The following CFAP299 variants were observed in gnomAD, a reference collection of about 807,000 sequenced individuals.
CFAP299 encodes the protein cilia- and flagella-associated protein 299.
A neutral mutation model predicts 27.0 loss-of-function variants in CFAP299; 21 were observed. That is an observed-to-expected ratio of 0.78 (90% confidence interval 0.55 to 1.12). The LOEUF (loss-of-function observed/expected upper bound fraction) is 1.12. CFAP299 is among the 50% of genes most tolerant of loss of function. The probability of loss-of-function intolerance (pLI) is 0.00; values close to 1 mark genes in which losing one functional copy is unlikely to be tolerated. For missense variants in CFAP299, 310 were observed against 276.6 expected, an observed-to-expected ratio of 1.12 and a Z score of -0.86; for synonymous variants, 104 against 98.1, an observed-to-expected ratio of 1.06 and a Z score of -0.36.
intron 3 of CFAP299, among the ~76,000 whole-genome samples, chr4:80,806,022 T>G (rs1352841031): frequency 1.3e-5 from 2 of 152,208 alleles, no homozygotes; most frequent in East Asian, 3.8e-4. Context: ...ATGACTTAGC[T>G]ATAAGAAAGA....
chr4:80,925,898 T>C (rs564700106), intron 4 of CFAP299, among the ~76,000 whole-genome samples: 106 of 152,202 alleles, frequency 7.0e-4, no homozygotes, highest in Non-Finnish European at 1.3e-3. Context: ...TTCCTACCCT[T>C]ATGGGGCTCA....
chr4:80,368,379 G>A (rs1409742294), intron 2 of CFAP299, among the ~76,000 whole-genome samples: 2 of 152,088 alleles, frequency 1.3e-5, no homozygotes, highest in Admixed American at 1.3e-4. Context: ...GTAAAAACTG[G>A]ATAAATCTCC....
At chr4:80,554,586 G>A (rs1387234972) in intron 2 of CFAP299, among the ~76,000 whole-genome samples, 1 of 133,420 alleles carries the variant, frequency 7.5e-6, no homozygotes, top group Non-Finnish European at 1.5e-5. Context: ...GAATTGCTTT[G>A]GGCAGTATGG....
At chr4:80,456,705 G>T (rs1020549375) in intron 2 of CFAP299, among the ~76,000 whole-genome samples, 2 of 152,160 alleles carry the variant, frequency 1.3e-5, no homozygotes, top group Non-Finnish European at 2.9e-5. Context: ...AAGTAAAGAT[G>T]TAGAGGGCAG....
At chr4:80,569,628 T>C (rs766383992) in intron 2 of CFAP299, among the ~76,000 whole-genome samples, 13 of 151,950 alleles carry the variant, frequency 8.6e-5, no homozygotes, top group Non-Finnish European at 1.8e-4. Flanking sequence ...TTTAGCAAAA[T>C]TGCATGATGC....
At chr4:80,441,209 A>G (rs1312133535) in intron 2 of CFAP299, among the ~76,000 whole-genome samples, 1 of 152,196 alleles carries the variant, frequency 6.6e-6, no homozygotes, top group African/African-American at 2.4e-5. Flanking sequence ...AGAGAACACC[A>G]CTAAGATACT....
chr4:80,832,124 T>C (rs1330430182), intron 3 of CFAP299, among the ~76,000 whole-genome samples: 1 of 152,154 alleles, frequency 6.6e-6, no homozygotes, highest in African/African-American at 2.4e-5. Context: ...CTGTTTCTTG[T>C]GTAATGCCCA....
intron 2 of CFAP299, among the ~76,000 whole-genome samples, chr4:80,538,147 C>T (rs1476485136): frequency 6.6e-6 from 1 of 151,952 alleles, no homozygotes; most frequent in Non-Finnish European, 1.5e-5. Flanking sequence ...ACTCAGGTGT[C>T]TGTAAGTAAG....
At chr4:80,729,788 A>G (rs1199220210) in intron 3 of CFAP299, among the ~76,000 whole-genome samples, 1 of 151,466 alleles carries the variant, frequency 6.6e-6, no homozygotes, top group Non-Finnish European at 1.5e-5. Flanking sequence ...ATTTTTCAGT[A>G]GAGACGGCAT....
Position 80,870,245 on chromosome 4 carries a change from A to G in CFAP299, c.476+110A>G, listed in dbSNP as rs1733004554. ...TGTATATATAACAGGAATGTGATATAACTGGTTATTAATATGAAAATAACT... is the reference window on the plus strand; with the variant it reads ...TGTATATATAACAGGAATGTGATATGACTGGTTATTAATATGAAAATAACT... On this transcript the variant is annotated intron_variant, in intron 4 of 5. Transcript: ENST00000358105. 2.2e-6 allele frequency: 3 copies of G among 1,341,046 alleles called. No homozygotes were observed. In the East Asian group the frequency reaches 7.7e-5, roughly 34 times the overall value. The allele number at this position is 1,341,046 out of a possible 1,614,324, so 83.1% of individuals were successfully genotyped here.
intron 3 of CFAP299, among the ~76,000 whole-genome samples, chr4:80,725,784 A>G (rs1723124706): frequency 6.6e-6 from 1 of 152,088 alleles, no homozygotes; most frequent in African/African-American, 2.4e-5. Flanking sequence ...ATGGCATCTG[A>G]TCCTCGTGCT....
intron 2 of CFAP299, among the ~76,000 whole-genome samples, chr4:80,558,053 T>G (rs1262859676): frequency 6.6e-6 from 1 of 152,106 alleles, no homozygotes; most frequent in Non-Finnish European, 1.5e-5. Flanking sequence ...CAAGTGAATG[T>G]CACTTAATTT....
intron 4 of CFAP299, among the ~76,000 whole-genome samples, chr4:80,914,701 T>C (rs1343592356): frequency 6.6e-6 from 1 of 152,216 alleles, no homozygotes; most frequent in African/African-American, 2.4e-5. Flanking sequence ...TCAGTGGAGC[T>C]TTGATAGTTT....
chr4:80,497,801 A>T (rs1731534383), intron 2 of CFAP299, among the ~76,000 whole-genome samples: 2 of 152,182 alleles, frequency 1.3e-5, no homozygotes, highest in African/African-American at 4.8e-5. Flanking sequence ...GAATAGCATA[A>T]GCAATCCTAA....
At chr4:80,573,556 T>A (rs1322169928) in intron 2 of CFAP299, among the ~76,000 whole-genome samples, 1 of 152,050 alleles carries the variant, frequency 6.6e-6, no homozygotes, top group Non-Finnish European at 1.5e-5. Flanking sequence ...GTCCCAGAGA[T>A]TTTCTCCAGT....
chr4:80,557,941 A>G (rs961666567), intron 2 of CFAP299, among the ~76,000 whole-genome samples: 3 of 152,116 alleles, frequency 2.0e-5, no homozygotes, highest in Non-Finnish European at 4.4e-5. Flanking sequence ...TGACACTTGC[A>G]CATATTTTGT....
intron 2 of CFAP299, chr4:80,387,219 T>C (rs1283429819): frequency 6.9e-7 from 1 of 1,440,968 alleles, no homozygotes; most frequent in East Asian, 2.3e-5. Context: ...AGGTCGTACA[T>C]CGGGGGTAAG....
intron 2 of CFAP299, among the ~76,000 whole-genome samples, chr4:80,512,522 T>C (rs1168501987): frequency 6.6e-6 from 1 of 152,096 alleles, no homozygotes; most frequent in Non-Finnish European, 1.5e-5. Context: ...TTTTGGCGAA[T>C]AAGCTATATA....
At chr4:80,546,110 A>G (rs1734214791) in intron 2 of CFAP299, among the ~76,000 whole-genome samples, 1 of 152,074 alleles carries the variant, frequency 6.6e-6, no homozygotes, top group Non-Finnish European at 1.5e-5. Flanking sequence ...AATAATAACA[A>G]CCATCTCTGA....
Sources: gnomAD v4.1 joint callset for allele counts (sites outside exome capture counted in the v4.1 genomes callset) on GRCh38, gnomAD v4.1.1 for gene constraint, MANE v1.5 for transcripts, NCBI Gene and HGNC (gene_info 2026-07-23, HGNC 2026-07-21) for gene names.